Variants in ZNF789 observed in about 807,000 individuals in gnomAD.
ZNF789 encodes zinc finger protein 789.
Under a neutral mutation model 15.6 loss-of-function variants are expected in ZNF789, and 11 were observed. The observed-to-expected ratio is 0.70, with a 90% CI of 0.44 to 1.16. The LOEUF is 1.16. ZNF789 is among the 50% of genes most tolerant of loss of function. The pLI is 0.00. For synonymous variants in ZNF789, 159 were observed against 176.0 expected (o/e 0.90, Z 0.76); for missense variants, 461 against 512.6 (o/e 0.90, Z 0.97).
chr7:99,487,577 T>C lies in ZNF789; in HGVS notation c.*89T>C, dbSNP rs1800044794. 1 of 1,459,336 alleles carries C rather than the reference T, an allele frequency of 6.9e-7. No individual in the cohort carries two copies. 90.4% of individuals were successfully genotyped at this position (1,459,336 alleles called of 1,614,324 possible). A position where few individuals can be genotyped will look rare whatever the true frequency, so the allele number is the denominator to read the frequency against. On this transcript the variant is annotated 3_prime_UTR_variant, in exon 5 of 5. Coordinates refer to ENST00000331410, the MANE Select transcript of ZNF789 (RefSeq NM_213603.3). ...ACGTAATTGTTTCCATGAAAAGCAA[T>C]AAATGTAACAAAGGGTTTTTCTATG... is the stretch of plus-strand genomic sequence containing the variant.
Position 99,474,439 on chromosome 7 carries a change from A to C in ZNF789, c.-55+1383A>C, listed in dbSNP as rs188913675. Among the ~76,000 whole-genome samples the C allele has an allele frequency of 5.5e-3, 843 of 152,188 alleles. 6 individuals carry two copies. The highest frequency in any genetic ancestry group is 0.02 in the African/African-American group (813 of 41,528). ...GAAACCCCGTCTCTACTAAAAATAC[A>C]AAAAATTAGCGGGGCGTGGTGGCGG... On this transcript the variant is annotated intron_variant, in intron 1 of 4. Coordinates refer to ENST00000331410, the MANE Select transcript of ZNF789 (RefSeq NM_213603.3).
At chr7:99,477,489 T>C (rs573515916) in intron 2 of ZNF789, among the ~76,000 whole-genome samples, 2 of 143,438 alleles carry the variant, frequency 1.4e-5, no homozygotes, top group South Asian at 4.4e-4. Context: ...CACAGGTACA[T>C]GCCACCACGC....
chr7:99,486,160 A>G (rs928831886), intron 4 of ZNF789, among the ~76,000 whole-genome samples: 6 of 152,182 alleles, frequency 3.9e-5, no homozygotes, highest in African/African-American at 1.4e-4. Flanking sequence ...TCTACTAAAA[A>G]TACAAAAATC....
At chr7:99,484,835 G>T (rs975577565) in intron 4 of ZNF789, among the ~76,000 whole-genome samples, 19 of 150,960 alleles carry the variant, frequency 1.3e-4, no homozygotes, top group Admixed American at 1.2e-3. Flanking sequence ...AGGCTGAGGT[G>T]TGAGGACTGC....
In ZNF789 at chr7:99,487,510, T is replaced by G; in HGVS notation, c.*22T>G. The G allele has an allele frequency of 6.3e-7, 1 of 1,593,898 alleles. No individual in the cohort carries two copies. Among genetic ancestry groups the G allele is most frequent in the Non-Finnish European group, 8.5e-7 (1 of 1,169,856 alleles). On this transcript the variant is annotated 3_prime_UTR_variant, in exon 5 of 5. Coordinates refer to ENST00000331410, the MANE Select transcript of ZNF789 (RefSeq NM_213603.3). ...ATGATGTTAATTGGAAAGCAGTCAT[T>G]GGAGAACTAGAACTTATAAACCTCT...
At position 99,479,786 on chromosome 7, in the gene ZNF789, G is replaced by T. The variant is rs373057508; in HGVS notation, c.150G>T (p.Leu50=). The change falls in exon 3 of 5, where the codon CTG becomes CTT. Residue 50 remains leucine, a splice_region_variant and synonymous_variant. Transcript: ENST00000331410. The part of the protein sequence containing the change: ...MLENYRNMVL[L]GFQFPKPEMI... ...AGAACTACAGGAACATGGTCTTGCT[G>T]GGTAGGACACGGCTTGAAGATTGGG... 1.2e-6 allele frequency: 2 copies of T among 1,613,102 alleles called. No homozygotes were observed. Among genetic ancestry groups the T allele is most frequent in the Non-Finnish European group, 1.7e-6 (2 of 1,179,516 alleles).
chr7:99,474,641 A>C (rs1025340373), intron 1 of ZNF789, among the ~76,000 whole-genome samples: 5 of 152,158 alleles, frequency 3.3e-5, no homozygotes, highest in Middle Eastern at 3.4e-3. Context: ...GTTGGATTCA[A>C]AGTCGTCCTG....
chr7:99,482,281 T>A, intron 3 of ZNF789: 1 of 775,936 alleles, frequency 1.3e-6, no homozygotes, highest in Non-Finnish European at 2.4e-6. Context: ...GCCAAAGGTA[T>A]GAACATTGTT....
At chr7:99,477,072 C>G (rs1799375261) in intron 2 of ZNF789, among the ~76,000 whole-genome samples, 1 of 151,044 alleles carries the variant, frequency 6.6e-6, no homozygotes, top group South Asian at 2.1e-4. Flanking sequence ...TTGACGGAGT[C>G]TCACTCTGTT....
chr7:99,482,293 A>G (rs546147635), intron 3 of ZNF789: 94 of 768,308 alleles, frequency 1.2e-4, no homozygotes, highest in South Asian at 6.5e-4. Context: ...AACATTGTTC[A>G]GGCTTTCAAT....
intron 4 of ZNF789, chr7:99,485,192 C>A (rs1280159569): frequency 6.5e-7 from 1 of 1,535,758 alleles, no homozygotes; most frequent in African/African-American, 1.4e-5. Flanking sequence ...TTTCTACTTA[C>A]TGTGTCCCGA....
rs370490773 is a variant in ZNF789 at position 99,478,772 on chromosome 7, G to A, written c.25-889G>A. 6.7e-5 allele frequency: 13 copies of A among 192,856 alleles called. 1 individual carries two copies. The highest frequency in any genetic ancestry group is 2.3e-4 in the African/African-American group (10 of 43,412). The allele number at this position is 192,856 out of a possible 1,614,324, so 11.9% of individuals were successfully genotyped here. Reference sequence around the variant, plus strand: ...CCCACTCTGGATATGCTCCCCAGGCGTCTGCGCCTTGGTCTGTACCTTTTA... The same window carrying A: ...CCCACTCTGGATATGCTCCCCAGGCATCTGCGCCTTGGTCTGTACCTTTTA... On this transcript the variant is annotated intron_variant, in intron 2 of 4. Coordinates refer to ENST00000331410, the MANE Select transcript of ZNF789 (RefSeq NM_213603.3).
At chr7:99,475,552 G>A (rs568887652) in intron 1 of ZNF789, among the ~76,000 whole-genome samples, 196 of 152,282 alleles carry the variant, frequency 1.3e-3, no homozygotes, top group Non-Finnish European at 2.1e-3. Context: ...TTGGAAATAC[G>A]TAAGTAGATT....
Position 99,476,971 on chromosome 7 carries a change from A to G in ZNF789, c.24+491A>G, listed in dbSNP as rs140096658. On this transcript the variant is annotated intron_variant, in intron 2 of 4. Transcript: ENST00000331410. Reference sequence around the variant, plus strand: ...TCATAATAAATTCTGAACTGTTCCTATGAACGGGTATAATGGAAGGTCAGT... The same window carrying G: ...TCATAATAAATTCTGAACTGTTCCTGTGAACGGGTATAATGGAAGGTCAGT... Among the ~76,000 whole-genome samples, 465 of 152,264 alleles carry G rather than the reference A, an allele frequency of 3.1e-3. 1 individual carries two copies. Among genetic ancestry groups the G allele is most frequent in the African/African-American group, 0.011 (453 of 41,542 alleles).
In ZNF789 at chr7:99,484,126, C is replaced by T. The variant is rs1028001964; in HGVS notation, c.248C>T (p.Ser83Phe). The change falls in exon 4 of 5, where the codon TCC becomes TTC. Residue 83 changes from serine (S) to phenylalanine (F), a missense_variant. Transcript: ENST00000331410. ...CCGAGAACTGGGAATAGGAAGGCTT[C>T]CGGTAGTGCTTGCCCAGGTGGGTGA... Reference protein sequence around the residue: ...DLPRTGNRKASGSACPGSEAR... With the variant: ...DLPRTGNRKAFGSACPGSEAR... 1 of 1,613,788 alleles carries T rather than the reference C, an allele frequency of 6.2e-7. No individual in the cohort carries two copies. The highest frequency in any genetic ancestry group is 8.5e-7 in the Non-Finnish European group (1 of 1,179,902).
rs1219757340 is a variant in ZNF789, at chr7:99,487,345, AG to A, written c.1136del (p.Ser379IlefsTer78). The A allele has an allele frequency of 6.2e-7, 1 of 1,614,246 alleles. No homozygotes were observed. Among genetic ancestry groups the A allele is most frequent in the Non-Finnish European group, 8.5e-7 (1 of 1,180,034 alleles). ...FQCGECGKTF[S>X]FKRNLFRHQV... ...ATGTGGAGAATGTGGGAAAACGTTT[AG>A]TTTTAAGAGGAATCTTTTTCGACAT... On this transcript the variant is annotated frameshift_variant, in exon 5 of 5. Coordinates refer to ENST00000331410, the MANE Select transcript of ZNF789 (RefSeq NM_213603.3). LOFTEE classifies it low-confidence loss of function (END_TRUNC).
chr7:99,479,495 C>T lies in ZNF789; in HGVS notation c.25-166C>T, dbSNP rs376388706. The stretch of plus-strand genomic sequence containing the variant: ...GGTATGGAAGCCAGCACATGTCTGG[C>T]CTGAGGGCCATCAGGCCTGAAAGGA... On this transcript the variant is annotated intron_variant, in intron 2 of 4. Coordinates refer to ENST00000331410, the MANE Select transcript of ZNF789 (RefSeq NM_213603.3). 3.8e-5 allele frequency: 26 copies of T among 679,460 alleles called. 1 individual carries two copies. The highest frequency in any genetic ancestry group is 1.3e-4 in the African/African-American group (7 of 54,002). 42.1% of individuals were successfully genotyped at this position (679,460 alleles called of 1,614,324 possible). A position where few individuals can be genotyped will look rare whatever the true frequency, so the allele number is the denominator to read the frequency against.
rs957799069 is a variant in ZNF789, at chr7:99,479,728, G to T, written c.92G>T (p.Gly31Val). 3 of 1,613,994 alleles carry T rather than the reference G, an allele frequency of 1.9e-6. No individual in the cohort carries two copies. Among genetic ancestry groups the T allele is most frequent in the African/African-American group, 2.7e-5 (2 of 74,942 alleles). The change falls in exon 3 of 5, where the codon GGT becomes GTT. Residue 31 changes from glycine (G) to valine (V), a missense_variant. Transcript: ENST00000331410. ...GAGGAGTGGGGCCACCTCAACTGGG[G>T]TCAGAAGGACCTCTACCGAGATGTG... ...TREEWGHLNW[G>V]QKDLYRDVML...
At chr7:99,473,267 T>TG (rs1234725468) in intron 1 of ZNF789, among the ~76,000 whole-genome samples, 3 of 152,092 alleles carry the variant, frequency 2.0e-5, no homozygotes, top group Non-Finnish European at 2.9e-5. Flanking sequence ...CGCCTGGACT[T>TG]GGTTTTGTTA....
Sources: gnomAD v4.1 joint callset for allele counts (sites outside exome capture counted in the v4.1 genomes callset) on GRCh38, gnomAD v4.1.1 for gene constraint, MANE v1.5 for transcripts, NCBI Gene and HGNC (gene_info 2026-07-23, HGNC 2026-07-21) for gene names.